HEATR5A: variants seen among roughly 807,000 people sequenced by gnomAD.
HEATR5A encodes the protein HEAT repeat containing 5A.
Under a neutral mutation model 218.8 loss-of-function variants are expected in HEATR5A, and 178 were observed. The observed-to-expected ratio is 0.81, with a 90% CI of 0.72 to 0.92. The LOEUF is 0.92. Among genes scored for constraint, HEATR5A ranks in the 40% least tolerant of loss-of-function variants. HEATR5A has a pLI of 0.00. For missense variants in HEATR5A, 2,420 were observed against 2,418.9 expected (o/e 1.00, Z -0.01); for synonymous variants, 864 against 871.6 (o/e 0.99, Z 0.15).
chr14:31,394,632 G>A (rs768604405), intron 5 of HEATR5A, among the ~76,000 whole-genome samples: 6 of 151,970 alleles, frequency 3.9e-5, no homozygotes, highest in Non-Finnish European at 8.8e-5. Context: ...TGGCTAAGAT[G>A]GTGGAACCCC....
Position 31,364,182 on chromosome 14 carries a change from C to T in HEATR5A, c.2071+7G>A. 3 of 1,336,228 alleles carry T rather than the reference C, an allele frequency of 2.2e-6. No homozygotes were observed. Among genetic ancestry groups the T allele is most frequent in the Non-Finnish European group, 3.1e-6 (3 of 964,306 alleles). The allele number at this position is 1,336,228 out of a possible 1,614,324, so 82.8% of individuals were successfully genotyped here. On this transcript the variant is annotated splice_region_variant and intron_variant, in intron 14 of 35. Coordinates refer to ENST00000543095, the MANE Select transcript of HEATR5A (RefSeq NM_015473.4). ...AACAAAAAAACATTTTGGTCTAAGGCACATACCTTCATAGGTCTCAGGAGG... is the reference window on the plus strand; with the variant it reads ...AACAAAAAAACATTTTGGTCTAAGGTACATACCTTCATAGGTCTCAGGAGG...
At chr14:31,373,112 G>T (rs1595149240) in intron 12 of HEATR5A, among the ~76,000 whole-genome samples, 2 of 152,114 alleles carry the variant, frequency 1.3e-5, no homozygotes, top group East Asian at 3.9e-4. Flanking sequence ...TGTAGAGAGA[G>T]CAGTTCACCA....
In HEATR5A at chr14:31,293,376, T is replaced by C; in HGVS notation, c.6070A>G (p.Ile2024Val). 6.2e-7 allele frequency: 1 copy of C among 1,613,936 alleles called. No individual in the cohort carries two copies. The highest frequency in any genetic ancestry group is 8.5e-7 in the Non-Finnish European group (1 of 1,179,836). The change falls in exon 36 of 36, where the codon ATA (isoleucine) becomes GTA (valine). Residue 2024 changes from isoleucine to valine, a missense_variant. Ile to Val is a conservative substitution (Grantham distance 29). Coordinates refer to ENST00000543095, the MANE Select transcript of HEATR5A (RefSeq NM_015473.4). Reference protein sequence around the residue: ...KGNQESVKVKIPTSKYTKSPG... With the variant: ...KGNQESVKVKVPTSKYTKSPG... ...CTCTTAGTATATTTAGATGTTGGTA[T>C]CTTGACTTTGACACTTTCCTGATTG... is the stretch of plus-strand genomic sequence containing the variant.
chr14:31,357,774 G>A (rs1901476007), intron 16 of HEATR5A, among the ~76,000 whole-genome samples: 1 of 152,154 alleles, frequency 6.6e-6, no homozygotes, highest in African/African-American at 2.4e-5. Context: ...TGTTTTTAAC[G>A]AGGCTTTGCT....
intron 32 of HEATR5A, chr14:31,302,771 T>C: frequency 2.4e-6 from 1 of 411,764 alleles, no homozygotes; most frequent in Non-Finnish European, 4.3e-6. Flanking sequence ...TATGCTGTTT[T>C]TGTTTTCTTT....
intron 31 of HEATR5A, 96 bp downstream of exon 31, chr14:31,306,636 C>T (rs190169820): frequency 2.1e-5 from 27 of 1,269,144 alleles, no homozygotes; most frequent in Non-Finnish European, 2.7e-5. Flanking sequence ...TTGTACCACA[C>T]ACAAAAGATT....
At chr14:31,304,013 C>G (rs1272438558) in intron 32 of HEATR5A, among the ~76,000 whole-genome samples, 3 of 151,828 alleles carry the variant, frequency 2.0e-5, no homozygotes, top group Non-Finnish European at 4.4e-5. Context: ...CAAGACCAGC[C>G]TGGCAACACA....
intron 3 of HEATR5A, among the ~76,000 whole-genome samples, chr14:31,399,052 C>A (rs140624874): frequency 6.6e-6 from 1 of 152,124 alleles, no homozygotes; most frequent in African/African-American, 2.4e-5. Context: ...ATGAGTTTTA[C>A]AGTAATAGCT....
chr14:31,353,141 A>G (rs1901291782), intron 16 of HEATR5A, among the ~76,000 whole-genome samples: 1 of 152,022 alleles, frequency 6.6e-6, no homozygotes, highest in South Asian at 2.1e-4. Context: ...CACCACCTAC[A>G]AAGAGCCGCC....
At chr14:31,380,391 A>T (rs1236985075) in intron 11 of HEATR5A, 76 bp downstream of exon 11, 1 of 912,142 alleles carries the variant, frequency 1.1e-6, no homozygotes, top group Non-Finnish European at 1.7e-6. Context: ...TCATTTCATC[A>T]AATCACATAT....
At chr14:31,317,631 G>A (rs1899955393) in intron 26 of HEATR5A, among the ~76,000 whole-genome samples, 1 of 152,182 alleles carries the variant, frequency 6.6e-6, no homozygotes, top group South Asian at 2.1e-4. Context: ...AACGCAGTCT[G>A]AGAAAAGCAA....
intron 10 of HEATR5A, among the ~76,000 whole-genome samples, chr14:31,382,462 G>T (rs2030032592): frequency 6.6e-6 from 1 of 152,036 alleles, no homozygotes; most frequent in Non-Finnish European, 1.5e-5. Flanking sequence ...ATATATTTAC[G>T]AGTTTGTGAG....
rs2139136560 is a variant in HEATR5A, at chr14:31,305,193, G to C, written c.4967-16C>G. The stretch of plus-strand genomic sequence containing the variant: ...CCATCATCAACTAAAAGAAAGAATA[G>C]TGTTTAATACTTTGTGCTTGCTCTG... On this transcript the variant is annotated splice_polypyrimidine_tract_variant and intron_variant, in intron 31 of 35. Coordinates refer to ENST00000543095, the MANE Select transcript of HEATR5A (RefSeq NM_015473.4). 7 of 1,609,838 alleles carry C rather than the reference G, an allele frequency of 4.3e-6. No individual in the cohort carries two copies. Among genetic ancestry groups the C allele is most frequent in the Non-Finnish European group, 5.9e-6 (7 of 1,179,134 alleles).
chr14:31,328,938 G>A (rs1900366900), intron 22 of HEATR5A, among the ~76,000 whole-genome samples: 3 of 151,956 alleles, frequency 2.0e-5, no homozygotes. Flanking sequence ...CACATGATTG[G>A]GGAAGCCTCA....
At chr14:31,315,987 A>G (rs969662705) in intron 26 of HEATR5A, 38 bp from the exon 27 acceptor site, 17 of 1,463,084 alleles carry the variant, frequency 1.2e-5, no homozygotes, top group East Asian at 9.9e-5. Context: ...TTTTAAAATT[A>G]TAAGTATCTC....
At chr14:31,327,003 C>G (rs1333783685) in intron 22 of HEATR5A, among the ~76,000 whole-genome samples, 1 of 150,856 alleles carries the variant, frequency 6.6e-6, no homozygotes, top group Non-Finnish European at 1.5e-5. Context: ...GAGACAGAGT[C>G]TCACTCTGTC....
chr14:31,419,718 T>C (rs1208175924), intron 1 of HEATR5A, among the ~76,000 whole-genome samples: 2 of 152,224 alleles, frequency 1.3e-5, no homozygotes, highest in South Asian at 2.1e-4. Flanking sequence ...TTGCCAGAGG[T>C]ATCCATTACT....
intron 27 of HEATR5A, among the ~76,000 whole-genome samples, chr14:31,314,001 G>C (rs568772000): frequency 2.0e-5 from 3 of 152,258 alleles, no homozygotes; most frequent in African/African-American, 7.2e-5. Context: ...AGGCTGGAGT[G>C]CAGTGGTGCC....
chr14:31,418,613 A>C (rs1177981445), intron 1 of HEATR5A, among the ~76,000 whole-genome samples: 3 of 152,252 alleles, frequency 2.0e-5, no homozygotes, highest in African/African-American at 7.2e-5. Flanking sequence ...TTCTCAAATG[A>C]GATTTAATAA....
Sources: gnomAD v4.1 joint callset for allele counts (sites outside exome capture counted in the v4.1 genomes callset) on GRCh38, gnomAD v4.1.1 for gene constraint, MANE v1.5 for transcripts, NCBI Gene and HGNC (gene_info 2026-07-23, HGNC 2026-07-21) for gene names.